The following MYH15 variants were observed in gnomAD, a reference collection of about 807,000 sequenced individuals.
MYH15 encodes the protein myosin heavy chain 15.
MYH15 carries 227 observed loss-of-function variants against 240.5 expected under a neutral mutation model. The observed-to-expected ratio is 0.94, with a 90% CI of 0.85 to 1.05. The LOEUF is 1.05. Ranked by LOEUF, MYH15 falls within the 50% of genes least tolerant of loss-of-function variation. The pLI is 0.00. For synonymous variants in MYH15, 785 were observed against 796.7 expected (o/e 0.99, Z 0.25); for missense variants, 2,217 against 2,247.5 (o/e 0.99, Z 0.27).
chr3:108,428,912 A>G (rs754259194), intron 26 of MYH15, 31 bp from the exon 27 acceptor site: 15 of 1,563,792 alleles, frequency 9.6e-6, no homozygotes, highest in Non-Finnish European at 9.5e-6. Context: ...GACTTTTACT[A>G]AGCACTTGTA....
intron 40 of MYH15, 109 bp from the exon 41 acceptor site, chr3:108,381,668 CA>C (rs2082344498): frequency 1.7e-6 from 2 of 1,203,666 alleles, no homozygotes; most frequent in African/African-American, 1.5e-5. Flanking sequence ...AGGCCTTAGC[CA>C]ACTCTTCATT....
upstream of MYH15, chr3:108,529,438 G>A: frequency 3.6e-6 from 2 of 556,606 alleles, no homozygotes; most frequent in East Asian, 3.2e-5. Context: ...TAGTCATTGT[G>A]CTTGGGACAG....
intron 16 of MYH15, among the ~76,000 whole-genome samples, 157 bp from the exon 17 acceptor site, chr3:108,460,524 A>G (rs1321555425): frequency 3.3e-5 from 5 of 152,190 alleles, no homozygotes; most frequent in African/African-American, 1.2e-4. Context: ...CTTTTATCAC[A>G]AAATGTATAT....
At position 108,410,825 on chromosome 3, in the gene MYH15, C is replaced by T. The variant is rs116812035; in HGVS notation, c.4253G>A (p.Gly1418Glu). The T allele has an allele frequency of 6.2e-7, 1 of 1,614,038 alleles. No homozygotes were observed. The highest frequency in any genetic ancestry group is 1.3e-5 in the African/African-American group (1 of 75,068). ...CTTCCCGAGGTCAGACAGGGCGTCCCCGAGCTCCAGCTGCAGCTGGTGCCT... is the reference window on the plus strand; with the variant it reads ...CTTCCCGAGGTCAGACAGGGCGTCCTCGAGCTCCAGCTGCAGCTGGTGCCT... ...RARHQLQLEL[G>E]DALSDLGKVR... The change falls in exon 31 of 41, where the codon GGG (glycine) becomes GAG (glutamate). Residue 1418 changes from glycine to glutamate, a missense_variant. Coordinates refer to ENST00000693548, the MANE Select transcript of MYH15 (RefSeq NM_014981.3).
chr3:108,382,882 G>A (rs538207134), intron 40 of MYH15, among the ~76,000 whole-genome samples: 11 of 152,062 alleles, frequency 7.2e-5, no homozygotes, highest in African/African-American at 2.4e-4. Flanking sequence ...GATTCCTTTC[G>A]CCTAAAGCCA....
intron 9 of MYH15, among the ~76,000 whole-genome samples, chr3:108,487,025 C>T (rs2083311276): frequency 6.6e-6 from 1 of 152,186 alleles, no homozygotes; most frequent in South Asian, 2.1e-4. Flanking sequence ...ATCACATCCT[C>T]GCTATTAGAG....
intron 37 of MYH15, among the ~76,000 whole-genome samples, chr3:108,390,528 G>A (rs904261727): frequency 6.6e-6 from 1 of 152,014 alleles, no homozygotes; most frequent in Non-Finnish European, 1.5e-5. Flanking sequence ...AAAAATCTTG[G>A]TTCTTATATA....
At chr3:108,415,568 G>C (rs535543546) in intron 29 of MYH15, among the ~76,000 whole-genome samples, 15 of 152,228 alleles carry the variant, frequency 9.9e-5, no homozygotes, top group South Asian at 4.1e-4. Flanking sequence ...AAAGAAATAA[G>C]GGGATACACA....
At chr3:108,493,868 A>C (rs2083372218) in intron 7 of MYH15, among the ~76,000 whole-genome samples, 1 of 152,372 alleles carries the variant, frequency 6.6e-6, no homozygotes, top group African/African-American at 2.4e-5. Flanking sequence ...GGTTTTAAGC[A>C]GAGGAGTGAT....
chr3:108,540,988 TAAC>T, the MYH15 span, among the ~76,000 whole-genome samples: 32 of 151,992 alleles, frequency 2.1e-4, no homozygotes, highest in Non-Finnish European at 3.8e-4. Context: ...AGCTAAAACT[TAAC>T]AAGGTATAAA....
chr3:108,407,567 A>G (rs946832523), intron 32 of MYH15, among the ~76,000 whole-genome samples: 1 of 152,198 alleles, frequency 6.6e-6, no homozygotes, highest in Non-Finnish European at 1.5e-5. Context: ...AGATACAGCC[A>G]GAGACTTTTC....
chr3:108,399,023 A>G lies in MYH15; in HGVS notation c.4929+52T>C. The G allele has an allele frequency of 2.6e-6, 4 of 1,566,384 alleles. No homozygotes were observed. In the South Asian group the frequency reaches 4.7e-5, roughly 18 times the overall value. On this transcript the variant is annotated intron_variant, in intron 34 of 40. Coordinates refer to ENST00000693548, the MANE Select transcript of MYH15 (RefSeq NM_014981.3). Reference sequence around the variant, plus strand: ...AATCTGTTGCTTAGTTTGCTTCCATAAGCAGAAACATTTTCCACCCCTCCC... The same window carrying G: ...AATCTGTTGCTTAGTTTGCTTCCATGAGCAGAAACATTTTCCACCCCTCCC...
rs1226954004 is a variant in MYH15, at chr3:108,380,652, G to A, written c.*893C>T. On this transcript the variant is annotated 3_prime_UTR_variant, in exon 41 of 41. Transcript: ENST00000693548. ...CCAGTACTTTGCAAAGCTGAAGGAG[G>A]AGGCTGGCAGGAGCTGGAAGAGCTC... 2.0e-5 allele frequency: 3 copies of A among 152,610 alleles called. No individual in the cohort carries two copies. The highest frequency in any genetic ancestry group is 7.2e-5 in the African/African-American group (3 of 41,594). The allele number at this position is 152,610 out of a possible 1,614,324, so 9.5% of individuals were successfully genotyped here. A position where few individuals can be genotyped will look rare whatever the true frequency, so the allele number is the denominator to read the frequency against.
intron 1 of MYH15, among the ~76,000 whole-genome samples, chr3:108,525,931 T>C (rs938668443): frequency 1.3e-5 from 2 of 152,144 alleles, no homozygotes; most frequent in African/African-American, 2.4e-5. Context: ...GGAATTAGAA[T>C]TAAGGGCATA....
intron 14 of MYH15, among the ~76,000 whole-genome samples, chr3:108,465,062 G>A (rs891612054): frequency 2.0e-5 from 3 of 152,180 alleles, no homozygotes; most frequent in East Asian, 1.9e-4. Flanking sequence ...CTCAGGGTGC[G>A]TACATTTAGT....
At position 108,501,863 on chromosome 3, in the gene MYH15, G is replaced by A. The variant is rs1436306035; in HGVS notation, c.196-8C>T. ...CTCCTTTATGCTCAGACTCTGCAGA[G>A]AGAAGAAAAATATATGATATATTCC... On this transcript the variant is annotated splice_region_variant and splice_polypyrimidine_tract_variant and intron_variant, in intron 2 of 40. Coordinates refer to ENST00000693548, the MANE Select transcript of MYH15 (RefSeq NM_014981.3). 4 of 1,612,674 alleles carry A rather than the reference G, an allele frequency of 2.5e-6. No individual in the cohort carries two copies. Among genetic ancestry groups the A allele is most frequent in the Admixed American group, 1.7e-5 (1 of 59,988 alleles).
intron 13 of MYH15, among the ~76,000 whole-genome samples, chr3:108,470,470 C>T (rs181839168): frequency 1.8e-4 from 27 of 152,092 alleles, no homozygotes; most frequent in Non-Finnish European, 1.6e-4. Flanking sequence ...CCTTTACCTC[C>T]ATTTACCTTT....
At chr3:108,412,291 T>G (rs2082600730) in intron 30 of MYH15, among the ~76,000 whole-genome samples, 2 of 152,146 alleles carry the variant, frequency 1.3e-5, no homozygotes, top group South Asian at 4.1e-4. Context: ...TCTCATGAGA[T>G]CTGATGGTTT....
chr3:108,485,264 T>C (rs756421181), intron 10 of MYH15, 35 bp from the exon 11 acceptor site: 7 of 1,612,080 alleles, frequency 4.3e-6, no homozygotes, highest in Non-Finnish European at 5.1e-6. Flanking sequence ...CTGTCTTCAT[T>C]TGCTTAATGG....
Sources: gnomAD v4.1 joint callset for allele counts (sites outside exome capture counted in the v4.1 genomes callset) on GRCh38, gnomAD v4.1.1 for gene constraint, MANE v1.5 for transcripts, NCBI Gene and HGNC (gene_info 2026-07-23, HGNC 2026-07-21) for gene names.